The following SHQ1 variants were observed in gnomAD, a reference collection of about 807,000 sequenced individuals.
SHQ1 encodes the protein SHQ1, H/ACA ribonucleoprotein assembly factor, also known as protein SHQ1 homolog.
SHQ1 carries 49 observed loss-of-function variants against 53.8 expected under a neutral mutation model. The observed-to-expected ratio is 0.91, with a 90% confidence interval of 0.72 to 1.16. SHQ1 has a LOEUF of 1.16. Among genes scored for constraint, SHQ1 ranks in the 50% most tolerant of loss-of-function variants. The probability of loss-of-function intolerance (pLI) is 0.00; values close to 1 mark genes in which losing one functional copy is unlikely to be tolerated. For missense variants in SHQ1, 738 were observed against 683.1 expected (o/e 1.08, Z -0.90); for synonymous variants, 243 against 251.0 (o/e 0.97, Z 0.30).
At chr3:72,847,042 C>A (rs777099979) in intron 1 of SHQ1, among the ~76,000 whole-genome samples, 1 of 152,148 alleles carries the variant, frequency 6.6e-6, no homozygotes, top group Non-Finnish European at 1.5e-5. Context: ...TAGCACTCAC[C>A]ACAATTAAGT....
At chr3:72,768,326 C>G (rs933984479) in intron 10 of SHQ1, among the ~76,000 whole-genome samples, 6 of 152,086 alleles carry the variant, frequency 3.9e-5, no homozygotes, top group African/African-American at 1.4e-4. Context: ...CTAGTGCTCC[C>G]GATGGCAAGG....
chr3:72,755,199 C>T (rs536819204), intron 10 of SHQ1, among the ~76,000 whole-genome samples: 3 of 151,908 alleles, frequency 2.0e-5, no homozygotes, highest in South Asian at 4.2e-4. Context: ...TTTTCACTTT[C>T]GGCATTATAT....
intron 8 of SHQ1, chr3:72,814,531 G>T (rs1443810801): frequency 6.6e-6 from 1 of 152,108 alleles, no homozygotes; most frequent in Non-Finnish European, 1.5e-5. Flanking sequence ...TGAAGTAAGT[G>T]TTTCAGTTCC....
intron 5 of SHQ1, among the ~76,000 whole-genome samples, chr3:72,829,035 T>C (rs1437998984): frequency 6.7e-6 from 1 of 148,306 alleles, no homozygotes; most frequent in Non-Finnish European, 1.5e-5. Context: ...GGCCAGAAAC[T>C]GATGAAGTGA....
chr3:72,753,646 C>T lies in SHQ1; in HGVS notation c.1182-2810G>A, dbSNP rs551797062. 26 of 985,254 alleles carry T rather than the reference C, an allele frequency of 2.6e-5. 1 individual carries two copies. The East Asian group carries it at 3.4e-4, about 13-fold the overall frequency. The allele number at this position is 985,254 out of a possible 1,614,324, so 61.0% of individuals were successfully genotyped here. On this transcript the variant is annotated intron_variant, in intron 10 of 10. Coordinates refer to ENST00000325599, the MANE Select transcript of SHQ1 (RefSeq NM_018130.3). ...GGTTTCAGTGCCAGAACTTCCAGAG[C>T]GCTTAGAGAAAGGGAGGGGTTTAGG...
intron 1 of SHQ1, chr3:72,846,388 A>T: frequency 7.6e-7 from 1 of 1,308,496 alleles, no homozygotes. Context: ...TTCGCCCCCC[A>T]GGTTCAAGCG....
chr3:72,774,349 C>T (rs1705913189), intron 10 of SHQ1, among the ~76,000 whole-genome samples: 1 of 152,070 alleles, frequency 6.6e-6, no homozygotes, highest in East Asian at 1.9e-4. Flanking sequence ...ATCCAATGCA[C>T]AGACATGCAA....
chr3:72,824,317 C>T, intron 6 of SHQ1, 107 bp downstream of exon 6: 1 of 1,317,942 alleles, frequency 7.6e-7, no homozygotes. Flanking sequence ...CATATTTTAA[C>T]ATTATAAGGC....
In SHQ1 at chr3:72,842,598, GA is replaced by G. The variant is rs142640557; in HGVS notation, c.209-197del. 3.7e-3 allele frequency among the ~76,000 whole-genome samples: 559 copies of G among 151,636 alleles called. 7 individuals carry two copies. In the East Asian group the frequency reaches 0.046, roughly 12 times the overall value. The stretch of plus-strand genomic sequence containing the variant: ...AATAATAAAATCATTTTAATTAAAA[GA>G]AAAAAATAAATAAATAAAATAGTCA... On this transcript the variant is annotated intron_variant, in intron 2 of 10. Transcript: ENST00000325599.
At chr3:72,789,805 A>G (rs1706381995) in intron 10 of SHQ1, among the ~76,000 whole-genome samples, 1 of 152,168 alleles carries the variant, frequency 6.6e-6, no homozygotes, top group African/African-American at 2.4e-5. Context: ...CTCTCAACCA[A>G]GTGCTATGGG....
intron 10 of SHQ1, among the ~76,000 whole-genome samples, chr3:72,751,498 G>GTACATATA (rs1274696079): frequency 1.7e-5 from 2 of 119,864 alleles, no homozygotes; most frequent in Non-Finnish European, 3.3e-5. Flanking sequence ...GTGTGTGTGT[G>GTACATATA]TGTGTGTGTG....
At chr3:72,746,190 T>G (rs1705257169), downstream of SHQ1, among the ~76,000 whole-genome samples, 1 of 152,124 alleles carries the variant, frequency 6.6e-6, no homozygotes, top group Non-Finnish European at 1.5e-5. Flanking sequence ...CCCCCCCTCG[T>G]GAGCCAGCTA....
At chr3:72,842,007 T>C (rs1708190732) in intron 3 of SHQ1, among the ~76,000 whole-genome samples, 1 of 152,216 alleles carries the variant, frequency 6.6e-6, no homozygotes, top group African/African-American at 2.4e-5. Context: ...CTTAACTGTA[T>C]ACTTCTGATC....
At chr3:72,827,880 A>G (rs984927065) in intron 5 of SHQ1, among the ~76,000 whole-genome samples, 30 of 149,468 alleles carry the variant, frequency 2.0e-4, no homozygotes, top group African/African-American at 6.9e-4. Context: ...TCAGCCTCCC[A>G]AGTAGCGGGG....
At chr3:72,831,778 C>A (rs1707829896) in intron 5 of SHQ1, among the ~76,000 whole-genome samples, 1 of 152,132 alleles carries the variant, frequency 6.6e-6, no homozygotes, top group Admixed American at 6.6e-5. Context: ...GTTCTTTATG[C>A]AAATTTAAGC....
chr3:72,839,371 A>G (rs1708092315), intron 4 of SHQ1, among the ~76,000 whole-genome samples: 2 of 152,206 alleles, frequency 1.3e-5, no homozygotes, highest in South Asian at 4.1e-4. Flanking sequence ...GGCAGACCAC[A>G]ACTCAGCAGA....
At chr3:72,731,359 T>C in the SHQ1 span, among the ~76,000 whole-genome samples, 1 of 151,548 alleles carries the variant, frequency 6.6e-6, no homozygotes, top group African/African-American at 2.4e-5. Flanking sequence ...TTTCCATAAA[T>C]TCTTTTCAAT....
chr3:72,766,276 C>G (rs1705728688), intron 10 of SHQ1, among the ~76,000 whole-genome samples: 1 of 152,166 alleles, frequency 6.6e-6, no homozygotes. Flanking sequence ...TACAAGCCAT[C>G]TGGATGCCGA....
At chr3:72,815,812 C>T (rs1426173480) in intron 7 of SHQ1, among the ~76,000 whole-genome samples, 1 of 152,108 alleles carries the variant, frequency 6.6e-6, no homozygotes, top group Non-Finnish European at 1.5e-5. Context: ...ACTTAAGAAG[C>T]TGCTAGAAAA....
Sources: allele counts gnomAD v4.1 joint callset (sites outside exome capture counted in the v4.1 genomes callset), GRCh38; gene constraint gnomAD v4.1.1; transcripts MANE v1.5; gene names NCBI Gene and HGNC (gene_info 2026-07-23, HGNC 2026-07-21).